Variants in GPC5 observed in about 807,000 individuals in gnomAD.
GPC5 encodes the protein glypican 5.
In GPC5, 47 loss-of-function variants were observed where a neutral mutation model predicts 53.9. The observed-to-expected ratio is 0.87, with a 90% CI of 0.69 to 1.11. The LOEUF (loss-of-function observed/expected upper bound fraction) is 1.11, where lower values mean the gene tolerates loss of function less well. Ranked by LOEUF, GPC5 falls within the 50% of genes most tolerant of loss-of-function variation. The pLI is 0.00. For missense variants in GPC5, 748 were observed against 713.1 expected, an observed-to-expected ratio of 1.05 and a Z score of -0.56; for synonymous variants, 286 against 263.3, an observed-to-expected ratio of 1.09 and a Z score of -0.84.
chr13:91,799,148 G>T (rs1384802450), intron 5 of GPC5, among the ~76,000 whole-genome samples: 1 of 152,174 alleles, frequency 6.6e-6, no homozygotes, highest in African/African-American at 2.4e-5. Flanking sequence ...ATATTATGCA[G>T]CCATAAAAAA....
chr13:91,867,495 A>G (rs2039097891), intron 5 of GPC5, among the ~76,000 whole-genome samples: 1 of 152,228 alleles, frequency 6.6e-6, no homozygotes, highest in Non-Finnish European at 1.5e-5. Context: ...AGGAACAGAG[A>G]GATTTAATGT....
At chr13:91,578,065 A>G (rs2032205035) in intron 2 of GPC5, among the ~76,000 whole-genome samples, 1 of 152,174 alleles carries the variant, frequency 6.6e-6, no homozygotes, top group South Asian at 2.1e-4. Flanking sequence ...GCCAGCTGCC[A>G]TGTTGTAAGG....
chr13:92,717,503 T>G (rs1348833107), intron 7 of GPC5, among the ~76,000 whole-genome samples: 2 of 152,220 alleles, frequency 1.3e-5, no homozygotes, highest in Non-Finnish European at 2.9e-5. Flanking sequence ...GATCCAGAAT[T>G]AATTTGGGGA....
At chr13:92,483,492 C>A (rs984664241) in intron 7 of GPC5, among the ~76,000 whole-genome samples, 12 of 152,106 alleles carry the variant, frequency 7.9e-5, no homozygotes, top group Non-Finnish European at 1.2e-4. Flanking sequence ...ATGAATGGAG[C>A]TTTCAGGCCA....
chr13:92,321,097 C>T (rs2043212677), intron 7 of GPC5, among the ~76,000 whole-genome samples: 1 of 152,034 alleles, frequency 6.6e-6, no homozygotes, highest in Non-Finnish European at 1.5e-5. Flanking sequence ...GTAAGTTACT[C>T]AGGCTACCTT....
intron 6 of GPC5, among the ~76,000 whole-genome samples, chr13:92,000,251 G>GGT (rs1169271225): frequency 1.4e-5 from 2 of 139,516 alleles, no homozygotes; most frequent in African/African-American, 5.1e-5. Flanking sequence ...GCACAAACAT[G>GGT]GTGTGCATAT....
chr13:91,563,206 A>G lies in GPC5; in HGVS notation c.325+114284A>G, dbSNP rs557751394. 6.1e-4 allele frequency among the ~76,000 whole-genome samples: 93 copies of G among 152,268 alleles called. No individual in the cohort carries two copies. The East Asian group carries it at 7.7e-3, about 13-fold the overall frequency. On this transcript the variant is annotated intron_variant, in intron 2 of 7. Coordinates refer to ENST00000377067, the MANE Select transcript of GPC5 (RefSeq NM_004466.6). ...ATTATTATATATAATTTATTCATGG[A>G]GACTATATTTAGAAAATTCTAAATC... is the stretch of plus-strand genomic sequence containing the variant.
At chr13:92,847,101 T>C (rs1878637477) in intron 7 of GPC5, among the ~76,000 whole-genome samples, 1 of 152,226 alleles carries the variant, frequency 6.6e-6, no homozygotes, top group South Asian at 2.1e-4. Context: ...CTGGATTTTA[T>C]ACTTAGAAAT....
At chr13:91,598,787 T>C (rs1472728132) in intron 2 of GPC5, among the ~76,000 whole-genome samples, 1 of 152,080 alleles carries the variant, frequency 6.6e-6, no homozygotes, top group East Asian at 1.9e-4. Context: ...TAGTGCCCCC[T>C]CCTCATCTAC....
At chr13:92,065,037 T>G (rs1023113311) in intron 6 of GPC5, among the ~76,000 whole-genome samples, 5 of 152,134 alleles carry the variant, frequency 3.3e-5, no homozygotes, top group Admixed American at 6.5e-5. Context: ...ATTTTGATAA[T>G]GCAGAAAGAA....
chr13:92,013,254 T>G (rs1437086625), intron 6 of GPC5, among the ~76,000 whole-genome samples: 1 of 152,184 alleles, frequency 6.6e-6, no homozygotes, highest in Non-Finnish European at 1.5e-5. Context: ...AGGCAGAGAA[T>G]TTTATTTAGC....
At chr13:92,759,603 C>T (rs371898993) in intron 7 of GPC5, among the ~76,000 whole-genome samples, 6 of 151,948 alleles carry the variant, frequency 3.9e-5, no homozygotes, top group African/African-American at 1.2e-4. Context: ...TTGGGTTGAA[C>T]AGTTTTTTGG....
At chr13:92,856,566 A>T (rs1879006343) in intron 7 of GPC5, among the ~76,000 whole-genome samples, 1 of 152,076 alleles carries the variant, frequency 6.6e-6, no homozygotes, top group African/African-American at 2.4e-5. Flanking sequence ...CTGACAATAC[A>T]ATTCTATGCC....
At chr13:92,742,417 C>G (rs1343553220) in intron 7 of GPC5, among the ~76,000 whole-genome samples, 19 of 152,156 alleles carry the variant, frequency 1.2e-4, no homozygotes, top group Non-Finnish European at 4.4e-5. Flanking sequence ...CCTTTGCCCA[C>G]TTTTTCATGG....
At chr13:92,328,049 G>A (rs1199095442) in intron 7 of GPC5, among the ~76,000 whole-genome samples, 2 of 152,150 alleles carry the variant, frequency 1.3e-5, no homozygotes, top group Admixed American at 6.6e-5. Context: ...GGCAAAAGGA[G>A]CTTTGCGTAC....
chr13:91,563,694 G>A (rs1322221475), intron 2 of GPC5, among the ~76,000 whole-genome samples: 1 of 152,054 alleles, frequency 6.6e-6, no homozygotes, highest in African/African-American at 2.4e-5. Flanking sequence ...AATCAGGGTG[G>A]GACTAAGCTG....
At chr13:92,485,185 C>A (rs1667299010) in intron 7 of GPC5, among the ~76,000 whole-genome samples, 1 of 152,134 alleles carries the variant, frequency 6.6e-6, no homozygotes, top group South Asian at 2.1e-4. Context: ...TAAACCTGTG[C>A]AAATGAATTA....
intron 6 of GPC5, among the ~76,000 whole-genome samples, chr13:92,094,328 AAC>A (rs1320870075): frequency 6.6e-6 from 1 of 151,976 alleles, no homozygotes. Flanking sequence ...CATTCTGGCT[AAC>A]ACGGTGAAAC....
chr13:92,293,424 T>G (rs1371884046), intron 7 of GPC5, among the ~76,000 whole-genome samples: 12 of 59,336 alleles, frequency 2.0e-4, no homozygotes, highest in Non-Finnish European at 3.5e-4. Flanking sequence ...GTTGGTTTCT[T>G]TTTTTTTTTT....
Sources: allele counts gnomAD v4.1 joint callset (sites outside exome capture counted in the v4.1 genomes callset), GRCh38; gene constraint gnomAD v4.1.1; transcripts MANE v1.5; gene names NCBI Gene and HGNC (gene_info 2026-07-23, HGNC 2026-07-21).